Variants in BMF observed in about 807,000 individuals in gnomAD.
BMF encodes the protein bcl-2-modifying factor.
A neutral mutation model predicts 22.0 loss-of-function variants in BMF; 10 were observed. The ratio of observed to expected loss-of-function variants is 0.45; its 90% confidence interval spans 0.28 to 0.77. BMF has a LOEUF of 0.77. Ranked by LOEUF, BMF falls within the 30% of genes least tolerant of loss-of-function variation. The pLI is 0.13. For synonymous variants in BMF, 87 were observed against 88.1 expected (o/e 0.99, Z 0.07); for missense variants, 206 against 226.8 (o/e 0.91, Z 0.59).
chr15:40,092,323 GA>G (rs922060079), intron 4 of BMF, among the ~76,000 whole-genome samples: 1 of 152,090 alleles, frequency 6.6e-6, no homozygotes, highest in East Asian at 1.9e-4. Flanking sequence ...AGAACAAGGG[GA>G]AAGGGGGGGC....
rs2036197337 is a variant in BMF at position 40,089,645 on chromosome 15, C to T, written c.*2142G>A. ...CACCAAGATCTAAATCATTTTCTCTCTCACTGAACTCAGGTGGAGAGTCTG... is the reference window on the plus strand; with the variant it reads ...CACCAAGATCTAAATCATTTTCTCTTTCACTGAACTCAGGTGGAGAGTCTG... On this transcript the variant is annotated 3_prime_UTR_variant, in exon 5 of 5. Transcript: ENST00000354670. The T allele has an allele frequency of 6.6e-6, 1 of 152,274 alleles. No individual in the cohort carries two copies. The highest frequency in any genetic ancestry group is 1.5e-5 in the Non-Finnish European group (1 of 68,048). 9.4% of individuals were successfully genotyped at this position (152,274 alleles called of 1,614,324 possible). A position where few individuals can be genotyped will look rare whatever the true frequency, so the allele number is the denominator to read the frequency against.
In BMF at chr15:40,091,640, T is replaced by C; in HGVS notation, c.*147A>G. 1.6e-6 allele frequency: 1 copy of C among 642,452 alleles called. No homozygotes were observed. Among genetic ancestry groups the C allele is most frequent in the East Asian group, 2.7e-5 (1 of 36,438 alleles). 39.8% of individuals were successfully genotyped at this position (642,452 alleles called of 1,614,324 possible). ...GAAGGTCCCGCTTGAGTATGTTGTA[T>C]GTACACTCAGAGAGAAATTAAAAAA... On this transcript the variant is annotated 3_prime_UTR_variant, in exon 5 of 5. Transcript: ENST00000354670.
intron 3 of BMF, among the ~76,000 whole-genome samples, chr15:40,104,905 A>G (rs1193320740): frequency 1.3e-5 from 2 of 152,212 alleles, no homozygotes; most frequent in Non-Finnish European, 2.9e-5. Context: ...AGACAGCCCC[A>G]GGCAAGACCT....
At chr15:40,091,938 T>TA (rs1232799608) in intron 4 of BMF, 50 bp from the exon 5 acceptor site, 1 of 1,336,312 alleles carries the variant, frequency 7.5e-7, no homozygotes, top group Admixed American at 2.0e-5. Flanking sequence ...AACGCAATCT[T>TA]AGACGACTCC....
intron 4 of BMF, among the ~76,000 whole-genome samples, chr15:40,097,200 TGAGCTACCAAGCACCCAAC>T (rs2036381904): frequency 6.6e-6 from 1 of 150,386 alleles, no homozygotes; most frequent in Non-Finnish European, 1.5e-5. Flanking sequence ...AGCACCCAAC[TGAGCTACCAAGCACCCAAC>T]TGAGCTACCA....
intron 4 of BMF, among the ~76,000 whole-genome samples, chr15:40,092,453 TCA>T (rs34626523): frequency 1.5e-3 from 227 of 148,422 alleles, no homozygotes; most frequent in African/African-American, 2.9e-3. Context: ...ACACACAGAC[TCA>T]CACACACACA....
chr15:40,102,624 T>G (rs576600743), intron 4 of BMF, among the ~76,000 whole-genome samples: 19 of 152,154 alleles, frequency 1.2e-4, no homozygotes, highest in African/African-American at 3.4e-4. Flanking sequence ...GATCAGATTA[T>G]TGCAAATGAA....
At chr15:40,108,001 T>C in intron 2 of BMF, 1 of 152,350 alleles carries the variant, frequency 6.6e-6, no homozygotes, top group Non-Finnish European at 1.5e-5. Flanking sequence ...GGGTGAAATT[T>C]TTCTCCTGAG....
At chr15:40,095,467 G>A (rs1297806966) in intron 4 of BMF, among the ~76,000 whole-genome samples, 3 of 152,174 alleles carry the variant, frequency 2.0e-5, no homozygotes, top group African/African-American at 7.2e-5. Context: ...GGGGAAGAGA[G>A]GGGAACCAGG....
intron 4 of BMF, among the ~76,000 whole-genome samples, chr15:40,096,326 C>T (rs1218776507): frequency 3.3e-5 from 5 of 152,114 alleles, no homozygotes; most frequent in African/African-American, 1.2e-4. Context: ...TTTTCAGATC[C>T]AATTCATACC....
At chr15:40,101,890 C>T (rs751854191) in intron 4 of BMF, among the ~76,000 whole-genome samples, 17 of 152,174 alleles carry the variant, frequency 1.1e-4, no homozygotes, top group Non-Finnish European at 1.9e-4. Flanking sequence ...CTAGAAAAGG[C>T]TCACTGGTCA....
At chr15:40,092,559 T>TA (rs1264309664) in intron 4 of BMF, among the ~76,000 whole-genome samples, 6 of 152,164 alleles carry the variant, frequency 3.9e-5, no homozygotes, top group Admixed American at 2.0e-4. Flanking sequence ...CAGTAAGCCA[T>TA]AAATAATCCC....
Position 40,088,159 on chromosome 15 carries a change from G to A in BMF, c.*3628C>T, listed in dbSNP as rs2036168264. ...GATCCAGGGATGGGGTAGAAGGCTA[G>A]CAATGCTCCCAGAGCAGGGAGGGGC... On this transcript the variant is annotated 3_prime_UTR_variant, in exon 5 of 5. Coordinates refer to ENST00000354670, the MANE Select transcript of BMF (RefSeq NM_001003940.2). 6.5e-6 allele frequency: 1 copy of A among 152,680 alleles called. No homozygotes were observed. Among genetic ancestry groups the A allele is most frequent in the African/African-American group, 2.4e-5 (1 of 41,426 alleles). The allele number at this position is 152,680 out of a possible 1,614,324, so 9.5% of individuals were successfully genotyped here. A position where few individuals can be genotyped will look rare whatever the true frequency, so the allele number is the denominator to read the frequency against.
chr15:40,093,037 G>C (rs2036276069), intron 4 of BMF, among the ~76,000 whole-genome samples: 1 of 152,180 alleles, frequency 6.6e-6, no homozygotes, highest in Non-Finnish European at 1.5e-5. Context: ...GCCCCCACCA[G>C]GCAACTACTC....
chr15:40,092,622 T>C (rs2036263725), intron 4 of BMF, among the ~76,000 whole-genome samples: 1 of 152,102 alleles, frequency 6.6e-6, no homozygotes, highest in Non-Finnish European at 1.5e-5. Flanking sequence ...AGCAAGAACA[T>C]ACTTGAAAAC....
intron 2 of BMF, among the ~76,000 whole-genome samples, chr15:40,107,215 TAA>T (rs2036605429): frequency 6.6e-6 from 1 of 152,160 alleles, no homozygotes; most frequent in Non-Finnish European, 1.5e-5. Context: ...CAGCTAAGGA[TAA>T]AAAGAGATGA....
intron 4 of BMF, among the ~76,000 whole-genome samples, chr15:40,101,329 CTTAA>C (rs1463055336): frequency 6.6e-6 from 1 of 152,216 alleles, no homozygotes; most frequent in Non-Finnish European, 1.5e-5. Context: ...TATTTTCTCA[CTTAA>C]TTATCACAGT....
Position 40,089,201 on chromosome 15 carries a change from G to T in BMF, c.*2586C>A, listed in dbSNP as rs1167126449. On this transcript the variant is annotated 3_prime_UTR_variant, in exon 5 of 5. Transcript: ENST00000354670. Reference sequence around the variant, plus strand: ...CTGGGGGTGGGGGATGGAGTCTGAGGGGGTGGAGGTCGGGGGGGAGGGGCA... The same window carrying T: ...CTGGGGGTGGGGGATGGAGTCTGAGTGGGTGGAGGTCGGGGGGGAGGGGCA... The T allele has an allele frequency of 2.6e-5, 4 of 152,382 alleles. No individual in the cohort carries two copies. The highest frequency in any genetic ancestry group is 9.7e-5 in the African/African-American group (4 of 41,408). The allele number at this position is 152,382 out of a possible 1,614,324, so 9.4% of individuals were successfully genotyped here.
chr15:40,107,994 T>C (rs35477346), intron 2 of BMF: 44,319 of 151,806 alleles, frequency 0.29, 6,547 homozygotes, highest in South Asian at 0.34. Flanking sequence ...TAAGAGAGGG[T>C]GAAATTTTTC....
Sources: gnomAD v4.1 joint callset for allele counts (sites outside exome capture counted in the v4.1 genomes callset) on GRCh38, gnomAD v4.1.1 for gene constraint, MANE v1.5 for transcripts, NCBI Gene and HGNC (gene_info 2026-07-23, HGNC 2026-07-21) for gene names.